CHRM3: variants seen among roughly 807,000 people sequenced by gnomAD.
CHRM3 encodes muscarinic acetylcholine receptor M3.
Under a neutral mutation model 41.8 loss-of-function variants are expected in CHRM3, and 11 were observed. That is an observed-to-expected ratio of 0.26 (90% CI 0.17 to 0.44). The LOEUF is 0.44. Among genes scored for constraint, CHRM3 ranks in the 20% least tolerant of loss-of-function variants. The probability of loss-of-function intolerance (pLI) is 1.00; values close to 1 mark genes in which losing one functional copy is unlikely to be tolerated. For synonymous variants in CHRM3, 297 were observed against 301.4 expected, an observed-to-expected ratio of 0.99 and a Z score of 0.15; for missense variants, 571 against 745.4, an observed-to-expected ratio of 0.77 and a Z score of 2.72.
intron 3 of CHRM3, among the ~76,000 whole-genome samples, chr1:239,619,347 T>C (rs545332314): frequency 3.3e-5 from 5 of 152,212 alleles, no homozygotes; most frequent in Non-Finnish European, 5.9e-5. Context: ...ACTCAGCCAC[T>C]GCTGAAGACC....
chr1:239,468,858 G>A (rs1337249082), intron 1 of CHRM3, among the ~76,000 whole-genome samples: 1 of 152,136 alleles, frequency 6.6e-6, no homozygotes, highest in Non-Finnish European at 1.5e-5. Flanking sequence ...GGAAAGATAT[G>A]TCTAGAAGTT....
intron 6 of CHRM3, among the ~76,000 whole-genome samples, chr1:239,860,178 C>T (rs1675522943): frequency 6.6e-6 from 1 of 152,120 alleles, no homozygotes; most frequent in South Asian, 2.1e-4. Context: ...CATCTCTATT[C>T]CAATGTCAGC....
chr1:239,407,442 C>A (rs1238370855), intron 1 of CHRM3, among the ~76,000 whole-genome samples: 2 of 116,690 alleles, frequency 1.7e-5, no homozygotes, highest in East Asian at 2.3e-4. Context: ...AGAGAGAGAG[C>A]GCTAAATTTC....
intron 3 of CHRM3, chr1:239,546,653 T>TCA (rs1659333169): frequency 6.6e-6 from 1 of 152,152 alleles, no homozygotes; most frequent in Non-Finnish European, 1.5e-5. Flanking sequence ...CACATGTTTC[T>TCA]CACACACCCA....
At chr1:239,621,186 TC>T (rs912608364) in intron 3 of CHRM3, among the ~76,000 whole-genome samples, 2 of 152,154 alleles carry the variant, frequency 1.3e-5, no homozygotes, top group African/African-American at 4.8e-5. Context: ...CATAAACCAC[TC>T]CCATATAAAA....
intron 3 of CHRM3, among the ~76,000 whole-genome samples, chr1:239,581,298 A>C (rs1662877680): frequency 6.6e-6 from 1 of 152,180 alleles, no homozygotes; most frequent in African/African-American, 2.4e-5. Flanking sequence ...TTTTAAAGAG[A>C]ATAGATATTG....
intron 3 of CHRM3, among the ~76,000 whole-genome samples, chr1:239,576,107 T>C (rs2148561569): frequency 6.6e-6 from 1 of 152,234 alleles, no homozygotes; most frequent in Non-Finnish European, 1.5e-5. Context: ...CATCACATAA[T>C]GTCCTCAAGC....
chr1:239,827,961 G>A (rs1672587542), intron 6 of CHRM3, among the ~76,000 whole-genome samples: 1 of 152,074 alleles, frequency 6.6e-6, no homozygotes, highest in African/African-American at 2.4e-5. Flanking sequence ...TAACACCTAG[G>A]AGACAATTTA....
In CHRM3 at chr1:239,723,195, T is replaced by G. The variant is rs576583085; in HGVS notation, c.-147+44907T>G. On this transcript the variant is annotated intron_variant, in intron 5 of 6. Coordinates refer to ENST00000676153, the MANE Select transcript of CHRM3 (RefSeq NM_001375978.1). Reference sequence around the variant, plus strand: ...TTAGCTATACACCAGGCACTAGCACTCAATTACTTGCCAGAAATGCTAAAT... The same window carrying G: ...TTAGCTATACACCAGGCACTAGCACGCAATTACTTGCCAGAAATGCTAAAT... Among the ~76,000 whole-genome samples the G allele has an allele frequency of 1.2e-4, 18 of 152,074 alleles. No homozygotes were observed. In the South Asian group the frequency reaches 3.5e-3, roughly 30 times the overall value.
At chr1:239,393,297 A>G (rs1659200637) in intron 1 of CHRM3, among the ~76,000 whole-genome samples, 1 of 152,240 alleles carries the variant, frequency 6.6e-6, no homozygotes, top group Non-Finnish European at 1.5e-5. Flanking sequence ...TAAAAATGTT[A>G]TTGAACACAG....
intron 6 of CHRM3, among the ~76,000 whole-genome samples, chr1:239,859,819 T>TTATATATATATATTTA (rs1553286828): frequency 2.4e-4 from 32 of 131,424 alleles, no homozygotes; most frequent in African/African-American, 9.4e-4. Flanking sequence ...TCTAAGTGTT[T>TTATATATATATATTTA]TATATATATA....
At chr1:239,705,363 A>T (rs1009542404) in intron 5 of CHRM3, 2 of 152,174 alleles carry the variant, frequency 1.3e-5, no homozygotes, top group Non-Finnish European at 2.9e-5. Flanking sequence ...TTTGTGCATT[A>T]ATTTGCTAGA....
intron 1 of CHRM3, among the ~76,000 whole-genome samples, chr1:239,407,075 T>C (rs949874945): frequency 6.6e-6 from 1 of 152,136 alleles, no homozygotes; most frequent in African/African-American, 2.4e-5. Context: ...TGCTGTTTTC[T>C]TTTTTTGTTG....
At chr1:239,670,642 C>T (rs1216224266) in intron 4 of CHRM3, among the ~76,000 whole-genome samples, 1 of 152,126 alleles carries the variant, frequency 6.6e-6, no homozygotes, top group Non-Finnish European at 1.5e-5. Context: ...ATTCTCCTGC[C>T]TCAGCTTCCC....
At position 239,618,620 on chromosome 1, in the gene CHRM3, G is replaced by A. The variant is rs187295404; in HGVS notation, c.-312-13604G>A. Among the ~76,000 whole-genome samples the A allele has an allele frequency of 6.8e-3, 1,038 of 151,612 alleles. 13 individuals are homozygous for A. Among genetic ancestry groups the A allele is most frequent in the African/African-American group, 0.024 (976 of 41,378 alleles). On this transcript the variant is annotated intron_variant, in intron 3 of 6. Coordinates refer to ENST00000676153, the MANE Select transcript of CHRM3 (RefSeq NM_001375978.1). ...AGCACTTTGGGAGGCCAAGGCGGTC[G>A]GATCACGAGGTCAGGAGATCGAGAC... is the stretch of plus-strand genomic sequence containing the variant.
intron 4 of CHRM3, among the ~76,000 whole-genome samples, chr1:239,671,871 A>G (rs538774982): frequency 2.0e-5 from 3 of 152,300 alleles, no homozygotes; most frequent in Non-Finnish European, 4.4e-5. Context: ...ATCTAGCCTC[A>G]GTCTCTGGTG....
At chr1:239,556,324 G>T (rs772190383) in intron 3 of CHRM3, among the ~76,000 whole-genome samples, 2 of 152,006 alleles carry the variant, frequency 1.3e-5, no homozygotes, top group Non-Finnish European at 2.9e-5. Flanking sequence ...GACAATTTAT[G>T]TCTCATTTTA....
At chr1:239,882,663 C>G (rs1422499950) in intron 6 of CHRM3, among the ~76,000 whole-genome samples, 1 of 152,162 alleles carries the variant, frequency 6.6e-6, no homozygotes, top group African/African-American at 2.4e-5. Flanking sequence ...GAAGGGAAAT[C>G]TAATCTATAC....
intron 5 of CHRM3, among the ~76,000 whole-genome samples, chr1:239,809,411 T>C (rs1670935561): frequency 6.6e-6 from 1 of 151,968 alleles, no homozygotes; most frequent in South Asian, 2.1e-4. Context: ...TTCGCCCACT[T>C]CCTCATTTTT....
Sources: gnomAD v4.1 joint callset for allele counts (sites outside exome capture counted in the v4.1 genomes callset) on GRCh38, gnomAD v4.1.1 for gene constraint, MANE v1.5 for transcripts, NCBI Gene and HGNC (gene_info 2026-07-23, HGNC 2026-07-21) for gene names.